PDCD1LG2: variants seen among roughly 807,000 people sequenced by gnomAD.
PDCD1LG2 encodes the protein programmed cell death 1 ligand 2.
Under a neutral mutation model 28.2 loss-of-function variants are expected in PDCD1LG2, and 32 were observed. The observed-to-expected ratio is 1.13, with a 90% CI of 0.86 to 1.52. The LOEUF is 1.52. Among genes scored for constraint, PDCD1LG2 ranks in the 40% most tolerant of loss-of-function variants. The pLI is 0.00. For synonymous variants in PDCD1LG2, 116 were observed against 120.2 expected (o/e 0.97, Z 0.23); for missense variants, 385 against 323.8 (o/e 1.19, Z -1.45).
intron 3 of PDCD1LG2, among the ~76,000 whole-genome samples, chr9:5,547,912 T>A (rs1399883344): frequency 7.3e-6 from 1 of 136,104 alleles, no homozygotes; most frequent in Non-Finnish European, 1.5e-5. Flanking sequence ...CACTCCAGCC[T>A]GGGTGACGAG....
In PDCD1LG2 at chr9:5,510,772, T is replaced by C. The variant is rs535199658; in HGVS notation, c.-46T>C. On this transcript the variant is annotated 5_prime_UTR_variant, in exon 1 of 7. Transcript: ENST00000397747. ...CTGTTTTTTGTTGTTTACTTTTGCA[T>C]CTTTACTTGTGGAGCTGTGGCAAGT... 3 of 152,782 alleles carry C rather than the reference T, an allele frequency of 2.0e-5. No homozygotes were observed. The East Asian group carries it at 5.8e-4, about 29-fold the overall frequency. The allele number at this position is 152,782 out of a possible 1,614,324, so 9.5% of individuals were successfully genotyped here.
chr9:5,523,943 C>A (rs1820323875), intron 2 of PDCD1LG2, among the ~76,000 whole-genome samples: 1 of 152,174 alleles, frequency 6.6e-6, no homozygotes, highest in African/African-American at 2.4e-5. Flanking sequence ...TTTTATCCCT[C>A]ATTGGCTCTT....
chr9:5,536,179 G>T (rs1820577085), intron 3 of PDCD1LG2, among the ~76,000 whole-genome samples: 1 of 152,178 alleles, frequency 6.6e-6, no homozygotes, highest in Non-Finnish European at 1.5e-5. Context: ...CCTTGGGCAG[G>T]TTATTTTGCC....
chr9:5,569,802 AAAG>A lies in PDCD1LG2; in HGVS notation c.817-148_817-146del. 1 of 731,618 alleles carries A rather than the reference AAAG, an allele frequency of 1.4e-6. No homozygotes were observed. The highest frequency in any genetic ancestry group is 2.3e-6 in the Non-Finnish European group (1 of 438,060). The allele number at this position is 731,618 out of a possible 1,614,324, so 45.3% of individuals were successfully genotyped here. A position where few individuals can be genotyped will look rare whatever the true frequency, so the allele number is the denominator to read the frequency against. ...ACTAGGGCAATGGTAAAAACTGTGG[AAAG>A]AAGTTTTAAATGAAAAGTTTTAAAC... is the stretch of plus-strand genomic sequence containing the variant. On this transcript the variant is annotated intron_variant, in intron 6 of 6. Coordinates refer to ENST00000397747, the MANE Select transcript of PDCD1LG2 (RefSeq NM_025239.4). This position sits in a 1 kb window ranked among gnomAD's most constrained non-coding sequence, Gnocchi z 4.1.
chr9:5,537,927 A>G lies in PDCD1LG2; in HGVS notation c.361+2877A>G, dbSNP rs183908791. On this transcript the variant is annotated intron_variant, in intron 3 of 6. Coordinates refer to ENST00000397747, the MANE Select transcript of PDCD1LG2 (RefSeq NM_025239.4). ...GAACACCCTGAACATTTAAAGCTTC[A>G]TAGTCACAAGAGAAAAGTTTTCATT... 3.3e-5 allele frequency among the ~76,000 whole-genome samples: 5 copies of G among 152,362 alleles called. No individual in the cohort carries two copies. In the East Asian group the frequency reaches 9.6e-4, roughly 29 times the overall value.
intron 4 of PDCD1LG2, 151 bp from the exon 5 acceptor site, chr9:5,557,467 G>T: frequency 2.3e-6 from 2 of 861,636 alleles, no homozygotes; most frequent in Non-Finnish European, 3.7e-6. Context: ...TGGATGAGCT[G>T]ATAGGTGCAG....
intron 1 of PDCD1LG2, among the ~76,000 whole-genome samples, chr9:5,522,008 G>C (rs1372030282): frequency 6.6e-6 from 1 of 152,210 alleles, no homozygotes; most frequent in African/African-American, 2.4e-5. Flanking sequence ...TAGTTCAAGA[G>C]AGGGGCAAAC....
At chr9:5,516,155 G>T (rs1820158143) in intron 1 of PDCD1LG2, among the ~76,000 whole-genome samples, 1 of 151,826 alleles carries the variant, frequency 6.6e-6, no homozygotes, top group Non-Finnish European at 1.5e-5. Context: ...GGGTTCAAGC[G>T]ATTCTCCTGC....
intron 6 of PDCD1LG2, among the ~76,000 whole-genome samples, chr9:5,567,273 G>T (rs1816684307): frequency 6.6e-6 from 1 of 152,210 alleles, no homozygotes; most frequent in Non-Finnish European, 1.5e-5. Context: ...TATGCTCTAA[G>T]GATATAAGAG....
intron 6 of PDCD1LG2, among the ~76,000 whole-genome samples, chr9:5,568,803 T>G (rs937719169): frequency 1.3e-5 from 2 of 152,192 alleles, no homozygotes; most frequent in Non-Finnish European, 2.9e-5. Context: ...CCATGAATTT[T>G]TAATGGTGTG....
intron 3 of PDCD1LG2, among the ~76,000 whole-genome samples, chr9:5,545,934 C>T (rs564599026): frequency 3.5e-4 from 54 of 152,200 alleles, no homozygotes; most frequent in African/African-American, 6.5e-4. Flanking sequence ...GGAGTACTTC[C>T]GCCTCTTAAA....
At chr9:5,533,017 C>T (rs895084233) in intron 2 of PDCD1LG2, among the ~76,000 whole-genome samples, 3 of 152,206 alleles carry the variant, frequency 2.0e-5, no homozygotes, top group Non-Finnish European at 4.4e-5. Context: ...AACCCAGGCT[C>T]ACCTGTCACT....
At chr9:5,567,995 C>A (rs1301519997) in intron 6 of PDCD1LG2, among the ~76,000 whole-genome samples, 1 of 152,228 alleles carries the variant, frequency 6.6e-6, no homozygotes, top group Admixed American at 6.5e-5. Flanking sequence ...CACCTGAGAA[C>A]TGACCACAGC....
At chr9:5,526,689 C>T (rs1473024750) in intron 2 of PDCD1LG2, among the ~76,000 whole-genome samples, 1 of 152,174 alleles carries the variant, frequency 6.6e-6, no homozygotes, top group Admixed American at 6.5e-5. Flanking sequence ...CCTCCTGCCC[C>T]AGCCTCCCAA....
chr9:5,557,703 A>G lies in PDCD1LG2; in HGVS notation c.717A>G (p.Thr239=), dbSNP rs755640278. The change falls in exon 5 of 7, where the codon ACA becomes ACG. Residue 239 remains threonine (T), a synonymous_variant. Coordinates refer to ENST00000397747, the MANE Select transcript of PDCD1LG2 (RefSeq NM_025239.4). The part of the protein sequence containing the change: ...FCIIAFIFIA[T]VIALRKQLCQ... ...TCATTGCTTTCATTTTCATAGCCAC[A>G]GTGATAGCCCTAAGAAAACAACTCT... The G allele has an allele frequency of 7.4e-6, 12 of 1,613,760 alleles. No homozygotes were observed. The highest frequency in any genetic ancestry group is 5.9e-6 in the Non-Finnish European group (7 of 1,179,808).
chr9:5,534,896 C>T lies in PDCD1LG2; in HGVS notation c.207C>T (p.His69=), dbSNP rs1277131906. 2.5e-6 allele frequency: 4 copies of T among 1,614,062 alleles called. No homozygotes were observed. The African/African-American group carries it at 4.0e-5, about 16-fold the overall frequency. The change falls in exon 3 of 7, where the codon CAC becomes CAT. Residue 69 remains histidine (H), a synonymous_variant. Transcript: ENST00000397747. ...LQKVENDTSP[H]RERATLLEEQ... ...AGGTGGAAAATGATACATCCCCACACCGTGAAAGAGCCACTTTGCTGGAGG... is the reference window on the plus strand; with the variant it reads ...AGGTGGAAAATGATACATCCCCACATCGTGAAAGAGCCACTTTGCTGGAGG...
At chr9:5,530,852 C>T (rs920565874) in intron 2 of PDCD1LG2, among the ~76,000 whole-genome samples, 1 of 152,214 alleles carries the variant, frequency 6.6e-6, no homozygotes, top group Non-Finnish European at 1.5e-5. Flanking sequence ...AATGTGCATG[C>T]AAATCACCGT....
At chr9:5,534,069 A>G (rs570077229) in intron 2 of PDCD1LG2, among the ~76,000 whole-genome samples, 1 of 152,066 alleles carries the variant, frequency 6.6e-6, no homozygotes, top group East Asian at 1.9e-4. Flanking sequence ...AAGTTACTTA[A>G]CCTTTTTGTG....
chr9:5,525,561 C>T (rs1277482851), intron 2 of PDCD1LG2, among the ~76,000 whole-genome samples: 1 of 151,494 alleles, frequency 6.6e-6, no homozygotes, highest in East Asian at 1.9e-4. Flanking sequence ...AAACATATGA[C>T]TACATCTATT....
Sources: gnomAD v4.1 joint callset for allele counts (sites outside exome capture counted in the v4.1 genomes callset) on GRCh38, gnomAD v4.1.1 for gene constraint, Gnocchi (gnomAD v3.1) non-coding constraint, MANE v1.5 for transcripts, NCBI Gene and HGNC (gene_info 2026-07-23, HGNC 2026-07-21) for gene names.